The following NPIPB2 variants were observed in gnomAD, a reference collection of about 807,000 sequenced individuals.
The protein encoded by NPIPB2 is nuclear pore complex interacting protein family member B2.
A neutral mutation model predicts 30.8 loss-of-function variants in NPIPB2; 27 were observed. The ratio of observed to expected loss-of-function variants is 0.88; its 90% confidence interval spans 0.65 to 1.21. The LOEUF (loss-of-function observed/expected upper bound fraction) is 1.21. Among genes scored for constraint, NPIPB2 ranks in the 50% most tolerant of loss-of-function variants. NPIPB2 has a pLI of 0.00. For missense variants in NPIPB2, 440 were observed against 446.2 expected (o/e 0.99, Z 0.13); for synonymous variants, 147 against 162.0 (o/e 0.91, Z 0.70).
rs546536659 is a variant in NPIPB2 at position 11,955,330 on chromosome 16, G to A, written c.-583-13216C>T. Among the ~76,000 whole-genome samples, 28 of 145,614 alleles carry A rather than the reference G, an allele frequency of 1.9e-4. No homozygotes were observed. The South Asian group carries it at 2.4e-3, about 12-fold the overall frequency. ...GATGGTACCACTGTACTCTAGCCTAGGTGACCGAGTGAAACTCTGTGTCAA... is the reference window on the plus strand; with the variant it reads ...GATGGTACCACTGTACTCTAGCCTAAGTGACCGAGTGAAACTCTGTGTCAA... On this transcript the variant is annotated intron_variant, in intron 1 of 5. Transcript: ENST00000538896.
intron 1 of NPIPB2, among the ~76,000 whole-genome samples, chr16:11,939,157 C>G (rs946156739): frequency 2.6e-5 from 4 of 151,846 alleles, no homozygotes; most frequent in Non-Finnish European, 5.9e-5. Flanking sequence ...TAATACTTCT[C>G]TCTTGGATTA....
intron 1 of NPIPB2, among the ~76,000 whole-genome samples, chr16:11,940,759 A>G (rs1312516770): frequency 8.9e-5 from 2 of 22,420 alleles, no homozygotes; most frequent in South Asian, 1.7e-3. Context: ...GACTCTGTCT[A>G]AAAAAAAAAA....
chr16:11,956,447 G>T (rs538696166), intron 1 of NPIPB2, among the ~76,000 whole-genome samples: 24 of 152,258 alleles, frequency 1.6e-4, no homozygotes, highest in African/African-American at 5.8e-4. Context: ...AGGCTGAGGC[G>T]GGCAGATCAC....
chr16:11,956,692 AAAG>A (rs2055115617), intron 1 of NPIPB2, among the ~76,000 whole-genome samples: 2 of 152,166 alleles, frequency 1.3e-5, no homozygotes. Flanking sequence ...AAAGAAAAGA[AAAG>A]AAATGATCTC....
chr16:11,927,910 A>G (rs1176010852), intron 7 of NPIPB2, 31 bp from the exon 8 acceptor site: 2 of 864,676 alleles, frequency 2.3e-6, no homozygotes, highest in South Asian at 3.7e-5. Context: ...ATGTTTTCAC[A>G]CATATTCATT....
intron 1 of NPIPB2, among the ~76,000 whole-genome samples, chr16:11,954,097 A>AT (rs34698612): frequency 0.05 from 7,528 of 151,086 alleles, 393 homozygotes; most frequent in African/African-American, 0.14. Context: ...GTTATTTCCA[A>AT]TTTTTTTTTG....
intron 1 of NPIPB2, among the ~76,000 whole-genome samples, chr16:11,958,535 G>A (rs1302674729): frequency 6.6e-6 from 1 of 151,862 alleles, no homozygotes; most frequent in Non-Finnish European, 1.5e-5. Flanking sequence ...TTTGAGACCA[G>A]CCTGGGCAAC....
intron 1 of NPIPB2, among the ~76,000 whole-genome samples, chr16:11,974,864 G>A (rs939014471): frequency 6.6e-6 from 1 of 151,940 alleles, no homozygotes; most frequent in Non-Finnish European, 1.5e-5. Flanking sequence ...ACGAGGTCAG[G>A]AGATGGAGAC....
intron 1 of NPIPB2, chr16:11,966,238 C>A (rs1240779391): frequency 3.7e-6 from 6 of 1,613,542 alleles, no homozygotes; most frequent in Non-Finnish European, 4.2e-6. Flanking sequence ...TTCTCTGGAC[C>A]TGTTTGGGAC....
At chr16:11,953,865 G>A (rs199678540) in intron 1 of NPIPB2, among the ~76,000 whole-genome samples, 3 of 151,292 alleles carry the variant, frequency 2.0e-5, no homozygotes, top group Admixed American at 6.6e-5. Context: ...TAGTAGAGAC[G>A]GGATTTCACC....
rs898068916 is a variant in NPIPB2, at chr16:11,967,915, T to A, written c.-584+8653A>T. On this transcript the variant is annotated intron_variant, in intron 1 of 5. Coordinates refer to the NPIPB2 transcript ENST00000538896. ...GTCAGAATAGATGATGTGTCAGATCTCTTTAGGATGACTGTATTTTTCAGT... is the reference window on the plus strand; with the variant it reads ...GTCAGAATAGATGATGTGTCAGATCACTTTAGGATGACTGTATTTTTCAGT... The A allele has an allele frequency of 6.5e-6, 10 of 1,534,970 alleles. No homozygotes were observed. The African/African-American group carries it at 1.2e-4, about 19-fold the overall frequency.
intron 1 of NPIPB2, chr16:11,967,976 C>A: frequency 9.7e-7 from 1 of 1,025,778 alleles, no homozygotes; most frequent in Non-Finnish European, 1.4e-6. Flanking sequence ...ACTGTGGAAA[C>A]TCTTTATGTT....
chr16:11,938,088 G>A (rs1231847379), intron 1 of NPIPB2, among the ~76,000 whole-genome samples: 4 of 152,070 alleles, frequency 2.6e-5, no homozygotes, highest in African/African-American at 7.2e-5. Context: ...GTGCAATCTC[G>A]GCTCACTGCA....
At chr16:11,952,768 G>A (rs1314936812) in intron 1 of NPIPB2, among the ~76,000 whole-genome samples, 1 of 151,832 alleles carries the variant, frequency 6.6e-6, no homozygotes, top group African/African-American at 2.4e-5. Context: ...GTTTTGCAAT[G>A]TTGGCCAGGC....
At chr16:11,952,176 A>AAAAC (rs1491160131) in intron 1 of NPIPB2, among the ~76,000 whole-genome samples, 275 of 1,208 alleles carry the variant, frequency 0.23, no homozygotes, top group Admixed American at 0.45. Context: ...AAAACAAAAC[A>AAAAC]AAAAAAAAAA....
intron 2 of NPIPB2, among the ~76,000 whole-genome samples, chr16:11,936,444 C>G (rs1208551441): frequency 6.7e-6 from 1 of 148,542 alleles, no homozygotes; most frequent in Non-Finnish European, 1.5e-5. Context: ...TTCTACATAT[C>G]TTGAAAGGCA....
At chr16:11,958,735 T>C (rs1293158606) in intron 1 of NPIPB2, among the ~76,000 whole-genome samples, 2 of 152,078 alleles carry the variant, frequency 1.3e-5, no homozygotes, top group East Asian at 3.9e-4. Flanking sequence ...AGTGAGACCC[T>C]GTCTCAAAAA....
At chr16:11,972,023 G>A (rs1466469462) in intron 1 of NPIPB2, among the ~76,000 whole-genome samples, 1 of 151,928 alleles carries the variant, frequency 6.6e-6, no homozygotes, top group Non-Finnish European at 1.5e-5. Context: ...GCAGGCACCT[G>A]TAATCCCAGC....
At position 11,933,812 on chromosome 16, in the gene NPIPB2, A is replaced by T. The variant is rs781774446; in HGVS notation, c.292+13T>A. 6.3e-7 allele frequency: 1 copy of T among 1,590,312 alleles called. No homozygotes were observed. Among genetic ancestry groups the T allele is most frequent in the Admixed American group, 1.7e-5 (1 of 59,986 alleles). On this transcript the variant is annotated intron_variant, in intron 3 of 7. Transcript: ENST00000399147. The stretch of plus-strand genomic sequence containing the variant: ...CTCATTTCCACACTATGGGGACTCC[A>T]ACAGAGCCATACCTTCCTGTCTACG...
Sources: gnomAD v4.1 joint callset for allele counts (sites outside exome capture counted in the v4.1 genomes callset) on GRCh38, gnomAD v4.1.1 for gene constraint, MANE v1.5 for transcripts, NCBI Gene and HGNC (gene_info 2026-07-23, HGNC 2026-07-21) for gene names.